Variants in LRP1B observed in about 807,000 individuals in gnomAD.
LRP1B encodes LDL receptor related protein 1B, also known as low-density lipoprotein receptor-related protein 1B.
In LRP1B, 217 loss-of-function variants were observed where a neutral mutation model predicts 556.6. The observed-to-expected ratio is 0.39, with a 90% confidence interval of 0.35 to 0.44. The LOEUF is 0.44. Among genes scored for constraint, LRP1B ranks in the 20% least tolerant of loss-of-function variants. The probability of loss-of-function intolerance (pLI) is 1.00; values close to 1 mark genes in which losing one functional copy is unlikely to be tolerated. For synonymous variants in LRP1B, 2,047 were observed against 1,865.8 expected (o/e 1.10, Z -2.50); for missense variants, 5,053 against 5,620.8 (o/e 0.90, Z 3.23).
At chr2:141,206,240 T>A (rs559677599) in intron 6 of LRP1B, among the ~76,000 whole-genome samples, 135 of 152,244 alleles carry the variant, frequency 8.9e-4, no homozygotes, top group African/African-American at 3.1e-3. Flanking sequence ...AACCATTTCC[T>A]ATGCTGGTTT....
chr2:140,338,382 CA>C (rs1040349648), intron 77 of LRP1B, among the ~76,000 whole-genome samples: 4 of 151,464 alleles, frequency 2.6e-5, no homozygotes, highest in African/African-American at 9.7e-5. Flanking sequence ...GAGAGAATAA[CA>C]AAACAAAAGA....
chr2:141,943,321 C>T (rs1700869295), intron 1 of LRP1B, among the ~76,000 whole-genome samples: 1 of 152,092 alleles, frequency 6.6e-6, no homozygotes, highest in African/African-American at 2.4e-5. Flanking sequence ...AACAATGGGT[C>T]TTGGGCTTCA....
chr2:141,561,605 G>T (rs1686155362), intron 2 of LRP1B, among the ~76,000 whole-genome samples: 1 of 151,754 alleles, frequency 6.6e-6, no homozygotes, highest in African/African-American at 2.4e-5. Context: ...AATTCTTTCA[G>T]AAAGGCTAAA....
intron 25 of LRP1B, among the ~76,000 whole-genome samples, chr2:140,871,892 T>TA (rs1295678507): frequency 6.6e-6 from 1 of 152,092 alleles, no homozygotes; most frequent in African/African-American, 2.4e-5. Context: ...CTAGCTGAAA[T>TA]ATGGTAATGA....
In LRP1B at chr2:140,232,702, A is replaced by G. The variant is rs1680522572; in HGVS notation, c.*484T>C. 1.3e-5 allele frequency: 2 copies of G among 151,798 alleles called. No homozygotes were observed. Among genetic ancestry groups the G allele is most frequent in the Admixed American group, 6.6e-5 (1 of 15,104 alleles). The allele number at this position is 151,798 out of a possible 1,614,324, so 9.4% of individuals were successfully genotyped here. A position where few individuals can be genotyped will look rare whatever the true frequency, so the allele number is the denominator to read the frequency against. On this transcript the variant is annotated 3_prime_UTR_variant, in exon 91 of 91. Transcript: ENST00000389484. ...TGTGAGAGCTATATATTTTCAGCAGAGTCTGAATCGATCTTTATGGGCACA... is the reference window on the plus strand; with the variant it reads ...TGTGAGAGCTATATATTTTCAGCAGGGTCTGAATCGATCTTTATGGGCACA...
At chr2:141,729,965 G>A (rs1220382356) in intron 2 of LRP1B, among the ~76,000 whole-genome samples, 1 of 152,132 alleles carries the variant, frequency 6.6e-6, no homozygotes, top group Non-Finnish European at 1.5e-5. Context: ...AGGTCTGGTT[G>A]AGAGTGTGCA....
chr2:141,215,102 T>C (rs1573663184), intron 6 of LRP1B, among the ~76,000 whole-genome samples: 1 of 152,150 alleles, frequency 6.6e-6, no homozygotes, highest in Admixed American at 6.5e-5. Flanking sequence ...AGATCCCTTA[T>C]GGCTTGGTGC....
intron 35 of LRP1B, among the ~76,000 whole-genome samples, chr2:140,720,663 G>C (rs946677901): frequency 2.0e-5 from 3 of 152,014 alleles, no homozygotes; most frequent in Non-Finnish European, 4.4e-5. Context: ...GTGTTTTAAA[G>C]ATATTTCACC....
intron 41 of LRP1B, among the ~76,000 whole-genome samples, chr2:140,603,024 T>C (rs1188662993): frequency 1.3e-5 from 2 of 152,010 alleles, no homozygotes; most frequent in African/African-American, 4.8e-5. Flanking sequence ...GTAGCACCAC[T>C]ATTTGGATAT....
At chr2:140,375,570 A>C (rs1266200165) in intron 68 of LRP1B, among the ~76,000 whole-genome samples, 1 of 152,038 alleles carries the variant, frequency 6.6e-6, no homozygotes, top group Non-Finnish European at 1.5e-5. Context: ...ATAAGAGAGG[A>C]TTTTACTTAA....
intron 21 of LRP1B, among the ~76,000 whole-genome samples, chr2:140,922,544 C>T (rs1694768257): frequency 6.6e-6 from 1 of 151,832 alleles, no homozygotes; most frequent in South Asian, 2.1e-4. Context: ...AGGGTGAGGC[C>T]TTATCTACGG....
intron 1 of LRP1B, among the ~76,000 whole-genome samples, chr2:141,997,353 CTTAA>C (rs1702521618): frequency 6.7e-6 from 1 of 148,604 alleles, no homozygotes; most frequent in Admixed American, 6.7e-5. Context: ...TTAAAATCAG[CTTAA>C]TTAAAATGTA....
rs548964921 is a variant in LRP1B, at chr2:140,345,490, A to G, written c.11892+5307T>C. On this transcript the variant is annotated intron_variant, in intron 77 of 90. Coordinates refer to ENST00000389484, the MANE Select transcript of LRP1B (RefSeq NM_018557.3). Reference sequence around the variant, plus strand: ...AATGCACTGGCTACTCCTTGTCAGCATTTTAATTTTGCTTGAGAGCTTGAT... The same window carrying G: ...AATGCACTGGCTACTCCTTGTCAGCGTTTTAATTTTGCTTGAGAGCTTGAT... Among the ~76,000 whole-genome samples the G allele has an allele frequency of 9.0e-4, 136 of 151,296 alleles. 1 individual carries two copies. The highest frequency in any genetic ancestry group is 3.2e-3 in the African/African-American group (132 of 41,370).
At chr2:140,922,518 T>A (rs182405885) in intron 21 of LRP1B, among the ~76,000 whole-genome samples, 145 of 152,002 alleles carry the variant, frequency 9.5e-4, no homozygotes, top group African/African-American at 3.3e-3. Context: ...TTCTAAGTCA[T>A]CTTCATTTAA....
At position 140,950,411 on chromosome 2, in the gene LRP1B, A is replaced by G; in HGVS notation, c.2969-9T>C. 2 of 1,588,522 alleles carry G rather than the reference A, an allele frequency of 1.3e-6. No homozygotes were observed. Among genetic ancestry groups the G allele is most frequent in the Non-Finnish European group, 1.7e-6 (2 of 1,170,150 alleles). On this transcript the variant is annotated splice_polypyrimidine_tract_variant and intron_variant, in intron 19 of 90. Coordinates refer to ENST00000389484, the MANE Select transcript of LRP1B (RefSeq NM_018557.3). ...GTCCCCACAGTCGTCATCTGGAAAG[A>G]AACATCAACATGAGGCAGTGAAATC...
At chr2:141,919,329 T>C (rs1334528469) in intron 1 of LRP1B, among the ~76,000 whole-genome samples, 1 of 152,078 alleles carries the variant, frequency 6.6e-6, no homozygotes, top group Non-Finnish European at 1.5e-5. Flanking sequence ...AATTTTGGCT[T>C]CAAACAGGTC....
chr2:140,573,695 G>C (rs183086277), intron 43 of LRP1B, among the ~76,000 whole-genome samples: 1 of 151,898 alleles, frequency 6.6e-6, no homozygotes, highest in African/African-American at 2.4e-5. Flanking sequence ...AAAATTGACA[G>C]AATCTACATG....
chr2:140,951,749 T>G (rs1021220233), intron 19 of LRP1B, 111 bp downstream of exon 19: 32 of 765,560 alleles, frequency 4.2e-5, no homozygotes, highest in Non-Finnish European at 6.5e-6. Flanking sequence ...TTAGCCGTTT[T>G]TCTTGGCTCT....
intron 87 of LRP1B, among the ~76,000 whole-genome samples, chr2:140,245,966 G>C (rs967792942): frequency 6.6e-5 from 10 of 151,210 alleles, no homozygotes; most frequent in Admixed American, 3.3e-4. Flanking sequence ...TTCATGCCCA[G>C]ACTGTCTATT....
Sources: gnomAD v4.1 joint callset for allele counts (sites outside exome capture counted in the v4.1 genomes callset) on GRCh38, gnomAD v4.1.1 for gene constraint, MANE v1.5 for transcripts, NCBI Gene and HGNC (gene_info 2026-07-23, HGNC 2026-07-21) for gene names.